MEGF11: variants seen among roughly 807,000 people sequenced by gnomAD.
The protein encoded by MEGF11 is multiple EGF like domains 11.
A neutral mutation model predicts 146.6 loss-of-function variants in MEGF11; 126 were observed. The ratio of observed to expected loss-of-function variants is 0.86; its 90% CI spans 0.74 to 1.00. The LOEUF is 1.00. Ranked by LOEUF, MEGF11 falls within the 50% of genes least tolerant of loss-of-function variation. The pLI, the probability that MEGF11 is intolerant of heterozygous loss-of-function variation, is 0.00. For synonymous variants in MEGF11, 532 were observed against 583.4 expected, an observed-to-expected ratio of 0.91 and a Z score of 1.27; for missense variants, 1,509 against 1,521.2, an observed-to-expected ratio of 0.99 and a Z score of 0.13.
At chr15:66,048,193 G>A (rs112351796) in intron 5 of MEGF11, among the ~76,000 whole-genome samples, 9 of 152,280 alleles carry the variant, frequency 5.9e-5, no homozygotes, top group African/African-American at 7.2e-5. Context: ...TGATCTGCCC[G>A]CCTTGGCCTC....
At chr15:66,025,571 A>G (rs1291548789) in intron 5 of MEGF11, among the ~76,000 whole-genome samples, 1 of 152,080 alleles carries the variant, frequency 6.6e-6, no homozygotes, top group African/African-American at 2.4e-5. Flanking sequence ...CTAAAACCTA[A>G]AATCTCCAAG....
At chr15:65,971,245 G>A (rs1239362302) in intron 7 of MEGF11, 1 of 153,508 alleles carries the variant, frequency 6.5e-6, no homozygotes, top group Non-Finnish European at 1.5e-5. Flanking sequence ...AACTGCTTTG[G>A]TTTCTGCTTC....
intron 5 of MEGF11, among the ~76,000 whole-genome samples, chr15:65,995,811 G>A (rs2082179743): frequency 6.6e-6 from 1 of 152,188 alleles, no homozygotes; most frequent in African/African-American, 2.4e-5. Flanking sequence ...CAGCTGCCTG[G>A]TGGGTTGGCG....
intron 1 of MEGF11, among the ~76,000 whole-genome samples, chr15:66,131,511 C>G (rs927830371): frequency 2.0e-5 from 3 of 152,132 alleles, no homozygotes; most frequent in Admixed American, 2.0e-4. Context: ...TGGGTCAGGT[C>G]CAGCCCAAGC....
At chr15:66,186,641 G>A (rs1408020223) in intron 1 of MEGF11, among the ~76,000 whole-genome samples, 1 of 152,174 alleles carries the variant, frequency 6.6e-6, no homozygotes, top group Non-Finnish European at 1.5e-5. Context: ...GAGTGGTCCT[G>A]ATCCAGCTAA....
At chr15:66,235,121 T>A (rs2092060840) in intron 1 of MEGF11, among the ~76,000 whole-genome samples, 1 of 152,178 alleles carries the variant, frequency 6.6e-6, no homozygotes, top group Non-Finnish European at 1.5e-5. Flanking sequence ...TCTGCTTAAA[T>A]CCCTTGTGTT....
chr15:65,930,767 C>T (rs1292527374), intron 11 of MEGF11, 56 bp downstream of exon 11: 1 of 1,508,728 alleles, frequency 6.6e-7, no homozygotes, highest in Admixed American at 1.9e-5. Flanking sequence ...CTGGCAGCAC[C>T]ACCTGGGGAA....
At chr15:66,188,947 C>G (rs539533768) in intron 1 of MEGF11, among the ~76,000 whole-genome samples, 50 of 152,304 alleles carry the variant, frequency 3.3e-4, no homozygotes, top group Non-Finnish European at 5.0e-4. Context: ...CTCCTACCTT[C>G]GCCTTACAAT....
intron 1 of MEGF11, among the ~76,000 whole-genome samples, chr15:66,162,318 G>T (rs1176508206): frequency 6.6e-6 from 1 of 152,134 alleles, no homozygotes; most frequent in Non-Finnish European, 1.5e-5. Context: ...CTTAAAAATG[G>T]CTCCAATGTT....
intron 4 of MEGF11, among the ~76,000 whole-genome samples, chr15:66,106,425 C>G (rs1208710306): frequency 6.6e-6 from 1 of 152,130 alleles, no homozygotes; most frequent in Non-Finnish European, 1.5e-5. Flanking sequence ...TGTGTGTATG[C>G]AATAATAAAC....
At chr15:66,241,802 T>A (rs898640297) in intron 1 of MEGF11, among the ~76,000 whole-genome samples, 3 of 151,812 alleles carry the variant, frequency 2.0e-5, no homozygotes, top group African/African-American at 7.3e-5. Flanking sequence ...CAAAGCACGC[T>A]ACTCAACCCA....
rs9920309 is a variant in MEGF11, at chr15:65,897,156, T to G, written c.*778A>C. ...AGGTGTCGGATGGACTAAGTAGATATGACAAAGCCAGGACTAACTTGTAAT... is the reference window on the plus strand; with the variant it reads ...AGGTGTCGGATGGACTAAGTAGATAGGACAAAGCCAGGACTAACTTGTAAT... On this transcript the variant is annotated 3_prime_UTR_variant, in exon 26 of 26. Transcript: ENST00000395614. The G allele has an allele frequency of 6.6e-6, 1 of 152,190 alleles. No homozygotes were observed. The highest frequency in any genetic ancestry group is 1.5e-5 in the Non-Finnish European group (1 of 68,038). 9.4% of individuals were successfully genotyped at this position (152,190 alleles called of 1,614,324 possible). A position where few individuals can be genotyped will look rare whatever the true frequency, so the allele number is the denominator to read the frequency against.
intron 21 of MEGF11, among the ~76,000 whole-genome samples, chr15:65,910,993 C>T (rs957871012): frequency 1.3e-5 from 2 of 152,142 alleles, no homozygotes; most frequent in African/African-American, 2.4e-5. Context: ...TTCTTGTTTC[C>T]CACTCTGCCT....
chr15:66,229,803 G>A (rs2091930484), intron 1 of MEGF11, among the ~76,000 whole-genome samples: 1 of 152,184 alleles, frequency 6.6e-6, no homozygotes, highest in Non-Finnish European at 1.5e-5. Flanking sequence ...ACACAGAGCT[G>A]GCCAAGATGG....
Position 66,124,066 on chromosome 15 carries a change from G to A in MEGF11, c.99-66C>T. 4 of 1,335,644 alleles carry A rather than the reference G, an allele frequency of 3.0e-6. No homozygotes were observed. In the South Asian group the frequency reaches 3.6e-5, roughly 12 times the overall value. The allele number at this position is 1,335,644 out of a possible 1,614,324, so 82.7% of individuals were successfully genotyped here. On this transcript the variant is annotated intron_variant, in intron 2 of 25. Coordinates refer to ENST00000395614, the MANE Select transcript of MEGF11 (RefSeq NM_001385028.1). ...GGGAAGCTGAGCTGATATTCCGCAG[G>A]GCATCTGAGCCCACAGCCCTGAGGC... is the stretch of plus-strand genomic sequence containing the variant.
intron 1 of MEGF11, among the ~76,000 whole-genome samples, chr15:66,179,598 C>T (rs1387467991): frequency 2.0e-5 from 3 of 152,152 alleles, no homozygotes; most frequent in East Asian, 1.9e-4. Context: ...CCAAGAGGAA[C>T]AGCATGCGAG....
intron 1 of MEGF11, among the ~76,000 whole-genome samples, chr15:66,226,759 T>C (rs2091862058): frequency 6.6e-6 from 1 of 152,064 alleles, no homozygotes; most frequent in Non-Finnish European, 1.5e-5. Flanking sequence ...GCTTGGAACA[T>C]GTCCTCCGAG....
At chr15:66,212,969 C>T (rs1229390067) in intron 1 of MEGF11, among the ~76,000 whole-genome samples, 1 of 152,206 alleles carries the variant, frequency 6.6e-6, no homozygotes. Flanking sequence ...CATGCCCCGC[C>T]CAGGCTTCCA....
At chr15:65,978,140 G>A (rs2081512381) in intron 7 of MEGF11, among the ~76,000 whole-genome samples, 1 of 152,198 alleles carries the variant, frequency 6.6e-6, no homozygotes. Context: ...TTGGGGAGGT[G>A]CATGGTGTGA....
Sources: gnomAD v4.1 joint callset for allele counts (sites outside exome capture counted in the v4.1 genomes callset) on GRCh38, gnomAD v4.1.1 for gene constraint, MANE v1.5 for transcripts, NCBI Gene and HGNC (gene_info 2026-07-23, HGNC 2026-07-21) for gene names.